ZFHX3: variants seen among roughly 807,000 people sequenced by gnomAD.
ZFHX3 encodes zinc finger homeobox 3, also known as zinc finger homeobox protein 3.
A neutral mutation model predicts 279.1 loss-of-function variants in ZFHX3; 42 were observed. That is an observed-to-expected ratio of 0.15 (90% CI 0.12 to 0.19). ZFHX3 has a LOEUF of 0.19. Ranked by LOEUF, ZFHX3 falls within the 10% of genes least tolerant of loss-of-function variation. The pLI is 1.00. For missense variants in ZFHX3, 4,981 were observed against 4,754.0 expected, an observed-to-expected ratio of 1.05 and a Z score of -1.40; for synonymous variants, 2,293 against 1,957.8, an observed-to-expected ratio of 1.17 and a Z score of -4.52.
At chr16:73,782,919 C>A (rs1959522316) in intron 1 of ZFHX3, among the ~76,000 whole-genome samples, 1 of 152,206 alleles carries the variant, frequency 6.6e-6, no homozygotes, top group African/African-American at 2.4e-5. Flanking sequence ...GTTACCACAG[C>A]ACAACCTAAT....
intron 5 of ZFHX3, among the ~76,000 whole-genome samples, chr16:72,827,090 T>C (rs1239816291): frequency 6.6e-6 from 1 of 152,186 alleles, no homozygotes; most frequent in Non-Finnish European, 1.5e-5. Flanking sequence ...CTGTTTATTA[T>C]TTCCGTAGTG....
chr16:72,981,262 G>T (rs11075955), intron 1 of ZFHX3, among the ~76,000 whole-genome samples: 1 of 151,980 alleles, frequency 6.6e-6, no homozygotes, highest in African/African-American at 2.4e-5. Flanking sequence ...TATGCATCAC[G>T]CCTGGGCATA....
chr16:73,725,256 G>T (rs921890384), intron 1 of ZFHX3, among the ~76,000 whole-genome samples: 2 of 152,272 alleles, frequency 1.3e-5, no homozygotes, highest in East Asian at 1.9e-4. Flanking sequence ...AACTAGCCCT[G>T]CATTTCTTGG....
chr16:72,995,063 T>C (rs985579580), intron 1 of ZFHX3, among the ~76,000 whole-genome samples: 9 of 152,160 alleles, frequency 5.9e-5, no homozygotes, highest in Non-Finnish European at 1.3e-4. Flanking sequence ...AATGCTGCAC[T>C]CCAATCACCA....
chr16:73,042,856 C>A (rs1418512269), intron 1 of ZFHX3, among the ~76,000 whole-genome samples: 1 of 152,018 alleles, frequency 6.6e-6, no homozygotes, highest in African/African-American at 2.4e-5. Flanking sequence ...ACTGCTGCCC[C>A]GAAAGACCCA....
Position 72,907,312 on chromosome 16 carries a change from T to C in ZFHX3, c.3217-17350A>G, listed in dbSNP as rs78881584. Among the ~76,000 whole-genome samples the C allele has an allele frequency of 3.5e-3, 526 of 152,274 alleles. 2 individuals carry two copies. Among genetic ancestry groups the C allele is most frequent in the African/African-American group, 0.012 (513 of 41,532 alleles). ...TAATGGTCTTTCTTCCGGCTTTGAT[T>C]CATTCATTCATTCCCCGTGTGTCTG... is the stretch of plus-strand genomic sequence containing the variant. On this transcript the variant is annotated intron_variant, in intron 3 of 9. Coordinates refer to ENST00000268489, the MANE Select transcript of ZFHX3 (RefSeq NM_006885.4).
chr16:73,692,504 G>A (rs1056719679), intron 1 of ZFHX3, among the ~76,000 whole-genome samples: 2 of 152,194 alleles, frequency 1.3e-5, no homozygotes, highest in Non-Finnish European at 2.9e-5. Context: ...ATTAAAGGAG[G>A]TAACTATTTT....
intron 3 of ZFHX3, among the ~76,000 whole-genome samples, chr16:72,949,297 G>A (rs977866407): frequency 2.6e-5 from 4 of 152,166 alleles, no homozygotes; most frequent in African/African-American, 4.8e-5. Context: ...CCAAAGACGC[G>A]AGAAACAGTG....
At chr16:73,820,504 T>C (rs1960707340) in intron 1 of ZFHX3, among the ~76,000 whole-genome samples, 1 of 152,098 alleles carries the variant, frequency 6.6e-6, no homozygotes, top group Non-Finnish European at 1.5e-5. Flanking sequence ...GCCATGTGGA[T>C]GATAGGTTCT....
At chr16:72,884,030 A>T (rs529569752) in intron 4 of ZFHX3, among the ~76,000 whole-genome samples, 4 of 152,330 alleles carry the variant, frequency 2.6e-5, no homozygotes, top group African/African-American at 7.2e-5. Flanking sequence ...TTACAAAAAA[A>T]AAAAAAGATG....
chr16:72,824,150 C>A (rs143407284), intron 5 of ZFHX3, among the ~76,000 whole-genome samples: 92 of 152,190 alleles, frequency 6.0e-4, no homozygotes, highest in Admixed American at 1.0e-3. Flanking sequence ...AGAAAGGCAG[C>A]AGGTCTGTAG....
chr16:72,918,342 G>A (rs2039494094), intron 3 of ZFHX3, among the ~76,000 whole-genome samples: 1 of 152,178 alleles, frequency 6.6e-6, no homozygotes, highest in Non-Finnish European at 1.5e-5. Flanking sequence ...GACAAGAAAA[G>A]GAGGGACAAT....
chr16:73,449,150 A>G (rs763157650), intron 3 of ZFHX3, among the ~76,000 whole-genome samples: 3 of 152,248 alleles, frequency 2.0e-5, no homozygotes, highest in Non-Finnish European at 4.4e-5. Flanking sequence ...ACTGTGAGAC[A>G]ATGGACAAAG....
intron 1 of ZFHX3, among the ~76,000 whole-genome samples, chr16:73,035,483 G>C (rs1416089120): frequency 6.6e-6 from 1 of 152,152 alleles, no homozygotes; most frequent in South Asian, 2.1e-4. Flanking sequence ...GCTCCCAAAT[G>C]ATACTTTTAA....
chr16:73,235,000 A>G (rs2012897090), intron 5 of ZFHX3, among the ~76,000 whole-genome samples: 1 of 152,262 alleles, frequency 6.6e-6, no homozygotes. Context: ...AATGCTGTCT[A>G]GAAGCTGAGA....
intron 3 of ZFHX3, among the ~76,000 whole-genome samples, chr16:72,925,479 A>C (rs1959399076): frequency 6.6e-6 from 1 of 152,252 alleles, no homozygotes; most frequent in Admixed American, 6.5e-5. Context: ...GGTCAGGCTA[A>C]ATGGTCCCCA....
chr16:73,015,932 G>C (rs923082823), intron 1 of ZFHX3: 1 of 152,200 alleles, frequency 6.6e-6, no homozygotes, highest in Non-Finnish European at 1.5e-5. Context: ...CACACCATAC[G>C]GGCACTGGCC....
intron 2 of ZFHX3, among the ~76,000 whole-genome samples, chr16:73,528,587 G>T (rs2019735670): frequency 6.6e-6 from 1 of 152,220 alleles, no homozygotes; most frequent in Non-Finnish European, 1.5e-5. Context: ...GTAGAAAAGT[G>T]CAGGAGGGAG....
At chr16:73,669,612 T>G (rs1446066720) in intron 2 of ZFHX3, among the ~76,000 whole-genome samples, 1 of 152,202 alleles carries the variant, frequency 6.6e-6, no homozygotes, top group African/African-American at 2.4e-5. Flanking sequence ...TTAAAAGTCA[T>G]GCAAAAATCT....
Sources: allele counts gnomAD v4.1 joint callset (sites outside exome capture counted in the v4.1 genomes callset), GRCh38; gene constraint gnomAD v4.1.1; transcripts MANE v1.5; gene names NCBI Gene and HGNC (gene_info 2026-07-23, HGNC 2026-07-21).